Variants in STAG1 observed in about 807,000 individuals in gnomAD.
STAG1 encodes the protein cohesin subunit SA-1.
A neutral mutation model predicts 170.9 loss-of-function variants in STAG1; 26 were observed. The observed-to-expected ratio is 0.15, with a 90% CI of 0.11 to 0.21. The LOEUF (loss-of-function observed/expected upper bound fraction) is 0.21, where lower values mean the gene tolerates loss of function less well. STAG1 is among the 10% of genes least tolerant of loss of function. STAG1 has a pLI of 1.00. For synonymous variants in STAG1, 514 were observed against 497.7 expected (o/e 1.03, Z -0.44); for missense variants, 964 against 1,509.5 (o/e 0.64, Z 5.99).
chr3:136,549,884 G>A (rs769374078), intron 5 of STAG1, among the ~76,000 whole-genome samples: 26 of 152,120 alleles, frequency 1.7e-4, no homozygotes, highest in Admixed American at 1.6e-3. Flanking sequence ...ACATGAAAAG[G>A]GTGCTGGATT....
chr3:136,553,395 AAAC>A (rs1325983975), intron 5 of STAG1, among the ~76,000 whole-genome samples: 6 of 152,192 alleles, frequency 3.9e-5, no homozygotes, highest in African/African-American at 1.4e-4. Flanking sequence ...AATGAATGAA[AAAC>A]AATACTCCCT....
intron 1 of STAG1, among the ~76,000 whole-genome samples, chr3:136,735,979 C>T (rs774551203): frequency 3.9e-5 from 6 of 152,158 alleles, no homozygotes; most frequent in Non-Finnish European, 5.9e-5. Context: ...CACAGGGCAT[C>T]AGGGCATCAG....
intron 5 of STAG1, among the ~76,000 whole-genome samples, chr3:136,547,651 T>C (rs968330789): frequency 3.9e-5 from 6 of 152,214 alleles, no homozygotes; most frequent in African/African-American, 1.4e-4. Context: ...TCATCCATGG[T>C]TGTCACATAT....
At position 136,729,877 on chromosome 3, in the gene STAG1, CTTTTTT is replaced by C. The variant is rs36212432; in HGVS notation, c.-84+22312_-84+22317del. ...TACAGGCATGAGCCACCACGCCAGG[CTTTTTT>C]TTTTTTTTTTTTTTTTTTTTTTTGA... On this transcript the variant is annotated intron_variant, in intron 1 of 33. Coordinates refer to ENST00000383202, the MANE Select transcript of STAG1 (RefSeq NM_005862.3). Among the ~76,000 whole-genome samples the C allele has an allele frequency of 5.3e-4, 31 of 58,536 alleles. 1 individual carries two copies. The highest frequency in any genetic ancestry group is 1.8e-3 in the African/African-American group (23 of 12,768). 38.4% of individuals were successfully genotyped at this position (58,536 alleles called of 152,430 possible). A position where few individuals can be genotyped will look rare whatever the true frequency, so the allele number is the denominator to read the frequency against.
rs778333644 is a variant in STAG1, at chr3:136,421,189, A to G, written c.2038-26T>C. On this transcript the variant is annotated intron_variant, in intron 19 of 33. Transcript: ENST00000383202. ...CTATAAAAAAAGGAAACATCACATC[A>G]TTACAACTTTACTCACCTTATAGTA... 5 of 1,528,266 alleles carry G rather than the reference A, an allele frequency of 3.3e-6. No homozygotes were observed. The Middle Eastern group carries it at 6.9e-4, about 210-fold the overall frequency. 94.7% of individuals were successfully genotyped at this position (1,528,266 alleles called of 1,614,324 possible).
chr3:136,362,098 C>T (rs147623909), intron 26 of STAG1, among the ~76,000 whole-genome samples: 9,783 of 151,820 alleles, frequency 0.064, 1,036 homozygotes, highest in African/African-American at 0.22. Context: ...GCTGAGATTA[C>T]AGGCACCCGC....
intron 14 of STAG1, among the ~76,000 whole-genome samples, chr3:136,445,681 T>C (rs1373133562): frequency 1.3e-5 from 2 of 152,206 alleles, no homozygotes; most frequent in Admixed American, 6.5e-5. Flanking sequence ...AGAATAGGTA[T>C]ATGAAGATTT....
intron 1 of STAG1, among the ~76,000 whole-genome samples, chr3:136,748,966 T>C (rs1935090595): frequency 6.6e-6 from 1 of 152,186 alleles, no homozygotes. Flanking sequence ...GTGGGGTTAC[T>C]GCTCTGCCTA....
At chr3:136,521,936 C>T (rs539408059) in intron 6 of STAG1, among the ~76,000 whole-genome samples, 1 of 152,290 alleles carries the variant, frequency 6.6e-6, no homozygotes, top group African/African-American at 2.4e-5. Context: ...TCAAATTTTA[C>T]TATGAACTTC....
rs189550602 is a variant in STAG1, at chr3:136,597,848, C to T, written c.297+6461G>A. Among the ~76,000 whole-genome samples, 591 of 150,914 alleles carry T rather than the reference C, an allele frequency of 3.9e-3. 1 individual carries two copies. Among genetic ancestry groups the T allele is most frequent in the Middle Eastern group, 0.031 (9 of 292 alleles). Reference sequence around the variant, plus strand: ...CCAGTACTGAACAGCAGTAATAATGCTTATATCCTGGGAATACACCTAAAC... The same window carrying T: ...CCAGTACTGAACAGCAGTAATAATGTTTATATCCTGGGAATACACCTAAAC... On this transcript the variant is annotated intron_variant, in intron 4 of 33. Coordinates refer to ENST00000383202, the MANE Select transcript of STAG1 (RefSeq NM_005862.3).
intron 1 of STAG1, among the ~76,000 whole-genome samples, chr3:136,650,868 T>C (rs4521165): frequency 0.66 from 98,817 of 150,754 alleles, 34,663 homozygotes; most frequent in African/African-American, 0.9. Flanking sequence ...TAAAAAAGTG[T>C]CATTAAGAGA....
chr3:136,375,390 A>G (rs1044952908), intron 23 of STAG1, among the ~76,000 whole-genome samples: 1 of 152,214 alleles, frequency 6.6e-6, no homozygotes, highest in African/African-American at 2.4e-5. Flanking sequence ...TGAAACTTCC[A>G]AACAATCCAC....
intron 28 of STAG1, among the ~76,000 whole-genome samples, chr3:136,352,420 A>G (rs1262382720): frequency 6.6e-6 from 1 of 152,168 alleles, no homozygotes; most frequent in Non-Finnish European, 1.5e-5. Context: ...TTGGCCTCCC[A>G]AAGTGCTGGG....
chr3:136,655,323 G>A (rs949811286), intron 1 of STAG1, among the ~76,000 whole-genome samples: 1 of 152,208 alleles, frequency 6.6e-6, no homozygotes, highest in South Asian at 2.1e-4. Flanking sequence ...TGGGCAAAGA[G>A]ATTGAATAGA....
chr3:136,366,805 A>G, intron 25 of STAG1, 138 bp downstream of exon 25: 2 of 604,058 alleles, frequency 3.3e-6, no homozygotes, highest in Non-Finnish European at 5.5e-6. Flanking sequence ...AAAAGCTTAT[A>G]TAAGAGAAAC....
intron 5 of STAG1, among the ~76,000 whole-genome samples, chr3:136,562,989 G>C (rs1335716664): frequency 2.0e-5 from 3 of 152,192 alleles, no homozygotes; most frequent in Non-Finnish European, 4.4e-5. Context: ...TTCATGAGTA[G>C]ATTCAGACTA....
At position 136,473,584 on chromosome 3, in the gene STAG1, A is replaced by T; in HGVS notation, c.1080T>A (p.Asn360Lys). ...CLKALQSLYT[N>K]RELFPKLELF... ...GTTCCAATTTGGGGAATAATTCTCTATTGGTATATAGACTCTGCAGAGCTT... is the reference window on the plus strand; with the variant it reads ...GTTCCAATTTGGGGAATAATTCTCTTTTGGTATATAGACTCTGCAGAGCTT... The change falls in exon 11 of 34, where the codon AAT (asparagine) becomes AAA (lysine). Residue 360 changes from asparagine to lysine, a missense_variant. Coordinates refer to ENST00000383202, the MANE Select transcript of STAG1 (RefSeq NM_005862.3). The T allele has an allele frequency of 1.2e-6, 2 of 1,612,666 alleles. No homozygotes were observed. The highest frequency in any genetic ancestry group is 1.7e-6 in the Non-Finnish European group (2 of 1,179,374).
At chr3:136,677,495 T>C (rs1321340953) in intron 1 of STAG1, among the ~76,000 whole-genome samples, 5 of 152,192 alleles carry the variant, frequency 3.3e-5, no homozygotes, top group African/African-American at 9.7e-5. Context: ...GGTCTGAATG[T>C]TGGTATCCTG....
intron 1 of STAG1, among the ~76,000 whole-genome samples, chr3:136,679,329 C>T (rs947687854): frequency 3.5e-4 from 54 of 152,130 alleles, no homozygotes; most frequent in African/African-American, 1.3e-3. Flanking sequence ...CCTGTAATCC[C>T]ACCACTTTGG....
Sources: allele counts gnomAD v4.1 joint callset (sites outside exome capture counted in the v4.1 genomes callset), GRCh38; gene constraint gnomAD v4.1.1; transcripts MANE v1.5; gene names NCBI Gene and HGNC (gene_info 2026-07-23, HGNC 2026-07-21).